DPYD: variants seen among roughly 807,000 people sequenced by gnomAD.
DPYD encodes the protein dihydropyrimidine dehydrogenase [NADP(+)].
A neutral mutation model predicts 116.2 loss-of-function variants in DPYD; 109 were observed. That is an observed-to-expected ratio of 0.94 (90% confidence interval 0.80 to 1.10). DPYD has a LOEUF of 1.10. Among genes scored for constraint, DPYD ranks in the 50% least tolerant of loss-of-function variants. The pLI is 0.00. For synonymous variants in DPYD, 440 were observed against 432.0 expected, an observed-to-expected ratio of 1.02 and a Z score of -0.23; for missense variants, 1,302 against 1,254.5, an observed-to-expected ratio of 1.04 and a Z score of -0.57.
At chr1:97,836,653 A>G (rs1326732888) in intron 2 of DPYD, among the ~76,000 whole-genome samples, 1 of 152,062 alleles carries the variant, frequency 6.6e-6, no homozygotes, top group African/African-American at 2.4e-5. Flanking sequence ...GGAAAAAAAA[A>G]CCTTGAGATC....
At chr1:97,174,574 C>T (rs1657114241) in intron 20 of DPYD, among the ~76,000 whole-genome samples, 1 of 152,102 alleles carries the variant, frequency 6.6e-6, no homozygotes, top group Non-Finnish European at 1.5e-5. Context: ...TATCTAGGTA[C>T]CAGCTATTCT....
chr1:97,681,598 T>A (rs1212709920), intron 7 of DPYD, among the ~76,000 whole-genome samples: 10 of 152,128 alleles, frequency 6.6e-5, no homozygotes, highest in Non-Finnish European at 1.5e-4. Flanking sequence ...TTCAAAGCAT[T>A]TTATAGTAAG....
chr1:97,146,281 T>C (rs1241146532), intron 20 of DPYD, among the ~76,000 whole-genome samples: 1 of 152,158 alleles, frequency 6.6e-6, no homozygotes, highest in Non-Finnish European at 1.5e-5. Flanking sequence ...ATAAAAATGG[T>C]CCTTAGGGAG....
chr1:97,163,007 A>C (rs868097440), intron 20 of DPYD, among the ~76,000 whole-genome samples: 11 of 151,706 alleles, frequency 7.3e-5, no homozygotes, highest in Non-Finnish European at 1.3e-4. Flanking sequence ...CTTAAACGTT[A>C]GACCTAAAAC....
intron 18 of DPYD, among the ~76,000 whole-genome samples, chr1:97,282,507 C>G (rs1570419998): frequency 6.6e-6 from 1 of 152,032 alleles, no homozygotes; most frequent in East Asian, 1.9e-4. Context: ...TTTCTAGATA[C>G]ACTAGTTTAT....
intron 18 of DPYD, among the ~76,000 whole-genome samples, chr1:97,271,143 G>C (rs1162136018): frequency 6.6e-6 from 1 of 152,228 alleles, no homozygotes; most frequent in Non-Finnish European, 1.5e-5. Flanking sequence ...ATAAGGCACG[G>C]AGTGTGGGGA....
chr1:97,852,642 C>T lies in DPYD; in HGVS notation c.151-24446G>A, dbSNP rs184260171. ...GCTTTGTATAATGCCAACTATTTTT[C>T]GTCTTACTCAAATTCAACTGATCTG... On this transcript the variant is annotated intron_variant, in intron 2 of 22. Coordinates refer to ENST00000370192, the MANE Select transcript of DPYD (RefSeq NM_000110.4). Among the ~76,000 whole-genome samples, 242 of 152,204 alleles carry T rather than the reference C, an allele frequency of 1.6e-3. 1 individual carries two copies. Among genetic ancestry groups the T allele is most frequent in the Non-Finnish European group, 1.1e-3 (76 of 67,996 alleles).
rs146209277 is a variant in DPYD at position 97,827,794 on chromosome 1, A to C, written c.233+320T>G. On this transcript the variant is annotated intron_variant, in intron 3 of 22. Transcript: ENST00000370192. ...ATTAAAGCACCATTGTACAATGTTT[A>C]TTTCTTTATATACAGGCAGAATTTA... 9.1e-3 allele frequency among the ~76,000 whole-genome samples: 1,393 copies of C among 152,252 alleles called. 25 individuals are homozygous for C. The highest frequency in any genetic ancestry group is 0.032 in the African/African-American group (1,323 of 41,542).
At chr1:97,307,145 T>C (rs61786356) in intron 16 of DPYD, among the ~76,000 whole-genome samples, 2 of 151,676 alleles carry the variant, frequency 1.3e-5, no homozygotes, top group Non-Finnish European at 3.0e-5. Context: ...ACACATACAA[T>C]AGTCCTTTTT....
chr1:97,401,444 G>C (rs1183084359), intron 14 of DPYD, among the ~76,000 whole-genome samples: 1 of 152,092 alleles, frequency 6.6e-6, no homozygotes, highest in Non-Finnish European at 1.5e-5. Flanking sequence ...CTCCTGAGTA[G>C]CTGGGATTCC....
rs12072437 is a variant in DPYD, at chr1:97,314,701, C to T, written c.2059-8404G>A. Reference sequence around the variant, plus strand: ...GAAAGCTGTTCAAATTTCAGATCTCCTCTGCCACAATTTGTCCCTATGGAA... The same window carrying T: ...GAAAGCTGTTCAAATTTCAGATCTCTTCTGCCACAATTTGTCCCTATGGAA... On this transcript the variant is annotated intron_variant, in intron 16 of 22. Transcript: ENST00000370192. Among the ~76,000 whole-genome samples, 1,344 of 151,924 alleles carry T rather than the reference C, an allele frequency of 8.8e-3. 22 individuals are homozygous for T. Among genetic ancestry groups the T allele is most frequent in the African/African-American group, 0.031 (1,280 of 41,476 alleles).
chr1:97,841,118 A>G (rs1670014549), intron 2 of DPYD, among the ~76,000 whole-genome samples: 1 of 152,140 alleles, frequency 6.6e-6, no homozygotes, highest in African/African-American at 2.4e-5. Flanking sequence ...TAAAAAATGT[A>G]AAGAAACAGT....
chr1:97,086,648 AAAACAAAAGTCATAAGATG>A (rs1227536784), intron 21 of DPYD, among the ~76,000 whole-genome samples: 1 of 152,228 alleles, frequency 6.6e-6, no homozygotes. Context: ...ATCTTAAAGT[AAAACAAAAGTCATAAGATG>A]AACCATTGTA....
chr1:97,604,717 G>T (rs951018695), intron 8 of DPYD, among the ~76,000 whole-genome samples: 2 of 152,000 alleles, frequency 1.3e-5, no homozygotes, highest in African/African-American at 4.8e-5. Context: ...TAGGAATTCA[G>T]AAAATTCCAC....
chr1:97,190,423 C>T (rs565015120), intron 20 of DPYD, among the ~76,000 whole-genome samples: 1 of 152,134 alleles, frequency 6.6e-6, no homozygotes, highest in Non-Finnish European at 1.5e-5. Context: ...ACACCTCTTA[C>T]CCACTGACTC....
At chr1:97,501,076 G>C (rs546663965) in intron 13 of DPYD, among the ~76,000 whole-genome samples, 2 of 152,040 alleles carry the variant, frequency 1.3e-5, no homozygotes, top group South Asian at 4.2e-4. Flanking sequence ...ACACAACAGC[G>C]ACCATGTTTC....
chr1:97,255,876 T>A (rs1248005858), intron 18 of DPYD, among the ~76,000 whole-genome samples: 1 of 152,058 alleles, frequency 6.6e-6, no homozygotes, highest in Non-Finnish European at 1.5e-5. Flanking sequence ...CAGCAGACTA[T>A]CTCATGCTCT....
chr1:97,512,204 T>C (rs1647851700), intron 13 of DPYD, among the ~76,000 whole-genome samples: 1 of 151,824 alleles, frequency 6.6e-6, no homozygotes, highest in Admixed American at 6.6e-5. Flanking sequence ...AGGTTGTGTT[T>C]TACAGAAACA....
chr1:97,096,668 G>A (rs1019586580), intron 21 of DPYD, among the ~76,000 whole-genome samples: 1 of 152,086 alleles, frequency 6.6e-6, no homozygotes. Context: ...TCTGTAAAAC[G>A]CACGAATCAG....
Sources: gnomAD v4.1 joint callset for allele counts (sites outside exome capture counted in the v4.1 genomes callset) on GRCh38, gnomAD v4.1.1 for gene constraint, MANE v1.5 for transcripts, NCBI Gene and HGNC (gene_info 2026-07-23, HGNC 2026-07-21) for gene names.